The following SLC7A5 variants were observed in gnomAD, a reference collection of about 807,000 sequenced individuals.
The protein encoded by SLC7A5 is large neutral amino acids transporter small subunit 1.
In SLC7A5, 23 loss-of-function variants were observed where a neutral mutation model predicts 50.2. The observed-to-expected ratio is 0.46, with a 90% confidence interval of 0.33 to 0.65. The LOEUF is 0.65. SLC7A5 is among the 30% of genes least tolerant of loss of function. SLC7A5 has a pLI of 0.02. For missense variants in SLC7A5, 578 were observed against 684.4 expected, an observed-to-expected ratio of 0.84 and a Z score of 1.73; for synonymous variants, 393 against 330.6, an observed-to-expected ratio of 1.19 and a Z score of -2.05.
At chr16:87,867,800 T>C (rs1392965957) in intron 1 of SLC7A5, among the ~76,000 whole-genome samples, 1 of 152,114 alleles carries the variant, frequency 6.6e-6, no homozygotes, top group African/African-American at 2.4e-5. Context: ...ACAAGTGATT[T>C]TCCCCCTGAA....
At chr16:87,836,351 C>T (rs2055003066) in intron 8 of SLC7A5, 147 bp downstream of exon 8, 2 of 872,548 alleles carry the variant, frequency 2.3e-6, no homozygotes, top group African/African-American at 3.4e-5. Flanking sequence ...GTCAAGTCAT[C>T]ACCGGAATTA....
At chr16:87,837,799 G>T (rs770440716) in intron 7 of SLC7A5, 46 bp downstream of exon 7, 2 of 1,509,372 alleles carry the variant, frequency 1.3e-6, no homozygotes, top group South Asian at 1.2e-5. Flanking sequence ...GGAGCCCCCG[G>T]ACAACCCCCA....
intron 1 of SLC7A5, among the ~76,000 whole-genome samples, chr16:87,859,624 C>G (rs554843056): frequency 6.6e-6 from 1 of 152,140 alleles, no homozygotes; most frequent in Admixed American, 6.6e-5. Flanking sequence ...AATTCAGGTA[C>G]AGCGGACCAG....
chr16:87,860,339 A>ATATAT lies in SLC7A5; in HGVS notation c.539-8491_539-8490insATATA, dbSNP rs377188472. ...CAAAAGCATCTCAAAAAAAAAAAAAAATACACACACACACACACACACACA... is the reference window on the plus strand; with the variant it reads ...CAAAAGCATCTCAAAAAAAAAAAAAATATATATACACACACACACACACACACACA... On this transcript the variant is annotated intron_variant, in intron 1 of 9. Transcript: ENST00000261622. The surrounding 1 kb of genome is among the most constrained non-coding windows in gnomAD (Gnocchi z 4.8). Among the ~76,000 whole-genome samples, 109 of 108,194 alleles carry ATATAT rather than the reference A, an allele frequency of 1.0e-3. 2 individuals are homozygous for ATATAT. The highest frequency in any genetic ancestry group is 4.0e-3 in the African/African-American group (103 of 25,674). 71.0% of individuals were successfully genotyped at this position (108,194 alleles called of 152,430 possible).
intron 2 of SLC7A5, among the ~76,000 whole-genome samples, chr16:87,844,086 G>A (rs933039633): frequency 6.6e-6 from 1 of 152,184 alleles, no homozygotes; most frequent in African/African-American, 2.4e-5. Context: ...AGGGAAGTGA[G>A]GAAGAGAATC....
chr16:87,857,205 G>A (rs527717365), intron 1 of SLC7A5, among the ~76,000 whole-genome samples: 1 of 151,482 alleles, frequency 6.6e-6, no homozygotes, highest in South Asian at 2.1e-4. Context: ...CCGGGGCAGG[G>A]AAGCAAAGGC....
chr16:87,836,416 G>A, intron 8 of SLC7A5, 82 bp downstream of exon 8: 2 of 1,519,832 alleles, frequency 1.3e-6, no homozygotes, highest in Non-Finnish European at 1.8e-6. Context: ...CTGGGATGCT[G>A]GCTCCCAACT....
chr16:87,849,069 C>A (rs2055188122), intron 2 of SLC7A5, among the ~76,000 whole-genome samples: 1 of 152,218 alleles, frequency 6.6e-6, no homozygotes, highest in Non-Finnish European at 1.5e-5. Context: ...GTGGGCCAGG[C>A]CTGCTCTGCC....
intron 2 of SLC7A5, among the ~76,000 whole-genome samples, chr16:87,846,521 AG>A (rs1238763477): frequency 2.0e-5 from 3 of 152,190 alleles, no homozygotes; most frequent in Non-Finnish European, 4.4e-5. Flanking sequence ...CTACAGATTA[AG>A]GGTAAGTGGG....
intron 1 of SLC7A5, among the ~76,000 whole-genome samples, chr16:87,865,946 A>G (rs946889907): frequency 3.9e-5 from 6 of 152,196 alleles, no homozygotes; most frequent in African/African-American, 1.2e-4. Flanking sequence ...GTTTAAACCC[A>G]GGAAGCAGAG....
chr16:87,846,330 C>T (rs1241116277), intron 2 of SLC7A5, among the ~76,000 whole-genome samples: 2 of 152,244 alleles, frequency 1.3e-5, no homozygotes, highest in African/African-American at 2.4e-5. Context: ...AGCTCGAGGC[C>T]GAGCTGTGGC....
rs2055268321 is a variant in SLC7A5 at position 87,853,655 on chromosome 16, G to C, written c.539-1806C>G. The stretch of plus-strand genomic sequence containing the variant: ...TTGCCAGTCCCATTTCCTTATGGTT[G>C]GGGGGAGCACGACCATAAAAGAAAC... On this transcript the variant is annotated intron_variant, in intron 1 of 9. Coordinates refer to ENST00000261622, the MANE Select transcript of SLC7A5 (RefSeq NM_003486.7). The surrounding 1 kb of genome is among the most constrained non-coding windows in gnomAD (Gnocchi z 4.4). Among the ~76,000 whole-genome samples the C allele has an allele frequency of 6.6e-6, 1 of 151,428 alleles. No individual in the cohort carries two copies. Among genetic ancestry groups the C allele is most frequent in the Admixed American group, 6.6e-5 (1 of 15,254 alleles).
At chr16:87,857,205 G>C (rs527717365) in intron 1 of SLC7A5, among the ~76,000 whole-genome samples, 1 of 151,366 alleles carries the variant, frequency 6.6e-6, no homozygotes, top group African/African-American at 2.4e-5. Flanking sequence ...CCGGGGCAGG[G>C]AAGCAAAGGC....
rs61164920 is a variant in SLC7A5 at position 87,852,638 on chromosome 16, CTGTG to C, written c.539-793_539-790del. Among the ~76,000 whole-genome samples the C allele has an allele frequency of 0.082, 9,529 of 116,614 alleles. 380 individuals carry two copies. The highest frequency in any genetic ancestry group is 0.13 in the African/African-American group (3,977 of 30,628). 76.5% of individuals were successfully genotyped at this position (116,614 alleles called of 152,430 possible). A position where few individuals can be genotyped will look rare whatever the true frequency, so the allele number is the denominator to read the frequency against. On this transcript the variant is annotated intron_variant, in intron 1 of 9. Coordinates refer to ENST00000261622, the MANE Select transcript of SLC7A5 (RefSeq NM_003486.7). This position sits in a 1 kb window ranked among gnomAD's most constrained non-coding sequence, Gnocchi z 4.5. ...CTGTAAGGCACCCAGCTCTGAGCCTCTGTGTGTGTGTGTGTGTGTGTGTGTGTGT... is the reference window on the plus strand; with the variant it reads ...CTGTAAGGCACCCAGCTCTGAGCCTCTGTGTGTGTGTGTGTGTGTGTGTGT...
At chr16:87,843,014 G>C (rs555604736) in intron 2 of SLC7A5, among the ~76,000 whole-genome samples, 1 of 152,256 alleles carries the variant, frequency 6.6e-6, no homozygotes, top group African/African-American at 2.4e-5. Context: ...GGGGAATGCA[G>C]ACCTGCCAGG....
rs552760616 is a variant in SLC7A5 at position 87,841,426 on chromosome 16, C to T, written c.665-271G>A. Among the ~76,000 whole-genome samples, 12 of 152,300 alleles carry T rather than the reference C, an allele frequency of 7.9e-5. No individual in the cohort carries two copies. In the East Asian group the frequency reaches 1.5e-3, roughly 20 times the overall value. On this transcript the variant is annotated intron_variant, in intron 2 of 9. Transcript: ENST00000261622. The surrounding 1 kb of genome is among the most constrained non-coding windows in gnomAD (Gnocchi z 4.8). ...CCACTGCCCAGGAGGGCTCCTCAGA[C>T]GCTTGTCTACAGGAGGTCAGGATGG...
At chr16:87,844,157 A>G (rs1728046675) in intron 2 of SLC7A5, among the ~76,000 whole-genome samples, 2 of 150,826 alleles carry the variant, frequency 1.3e-5, no homozygotes, top group Admixed American at 6.6e-5. Context: ...GACTCAGCGC[A>G]GAGCCTGAGT....
At position 87,834,499 on chromosome 16, in the gene SLC7A5, G is replaced by A; in HGVS notation, c.1383C>T (p.Gly461=). The change falls in exon 9 of 10, where the codon GGC becomes GGT. Residue 461 remains glycine, a synonymous_variant. Transcript: ENST00000261622. The stretch of plus-strand genomic sequence containing the variant: ...GCAGCCCGCTGAGGATGATGGTGAA[G>A]CCGATGCCACACTCCACGGGTGTCT... ...FWKTPVECGI[G]FTIILSGLPV... 6.3e-7 allele frequency: 1 copy of A among 1,587,550 alleles called. No homozygotes were observed.
Position 87,843,347 on chromosome 16 carries a change from C to CTTT in SLC7A5, c.665-2195_665-2193dup, listed in dbSNP as rs60307560. On this transcript the variant is annotated intron_variant, in intron 2 of 9. Coordinates refer to ENST00000261622, the MANE Select transcript of SLC7A5 (RefSeq NM_003486.7). ...ATTGGCAGCCCTAAGGCCTGAGTAA[C>CTTT]TTTTTTTTTTTTTTTTTTTTTTTTT... 6.2e-4 allele frequency among the ~76,000 whole-genome samples: 39 copies of CTTT among 63,322 alleles called. 4 individuals are homozygous for CTTT. Among genetic ancestry groups the CTTT allele is most frequent in the Non-Finnish European group, 9.8e-4 (35 of 35,854 alleles). 41.5% of individuals were successfully genotyped at this position (63,322 alleles called of 152,430 possible). A position where few individuals can be genotyped will look rare whatever the true frequency, so the allele number is the denominator to read the frequency against.
Sources: allele counts gnomAD v4.1 joint callset (sites outside exome capture counted in the v4.1 genomes callset), GRCh38; gene constraint gnomAD v4.1.1; non-coding constraint Gnocchi (gnomAD v3.1); transcripts MANE v1.5; gene names NCBI Gene and HGNC (gene_info 2026-07-23, HGNC 2026-07-21).